Variants in DGKB observed in about 807,000 individuals in gnomAD.
DGKB encodes 90 kDa diacylglycerol kinase.
Under a neutral mutation model 114.3 loss-of-function variants are expected in DGKB, and 67 were observed. The ratio of observed to expected loss-of-function variants is 0.59; its 90% confidence interval spans 0.48 to 0.72. The LOEUF is 0.72. DGKB is among the 30% of genes least tolerant of loss of function. The pLI, the probability that DGKB is intolerant of heterozygous loss-of-function variation, is 0.00. For missense variants in DGKB, 907 were observed against 975.2 expected, an observed-to-expected ratio of 0.93 and a Z score of 0.93; for synonymous variants, 398 against 323.1, an observed-to-expected ratio of 1.23 and a Z score of -2.49.
intron 1 of DGKB, among the ~76,000 whole-genome samples, chr7:14,969,055 A>G (rs1787318539): frequency 6.6e-6 from 1 of 152,208 alleles, no homozygotes; most frequent in African/African-American, 2.4e-5. Flanking sequence ...TGCTATTTGT[A>G]AAAGAGTTAA....
intron 23 of DGKB, among the ~76,000 whole-genome samples, chr7:14,288,392 A>G (rs1214907061): frequency 6.7e-6 from 1 of 149,836 alleles, no homozygotes; most frequent in Non-Finnish European, 1.5e-5. Context: ...TTTCTGTGTT[A>G]TATTTCATAT....
chr7:14,371,143 TC>T (rs1817569990), intron 21 of DGKB, among the ~76,000 whole-genome samples: 1 of 152,110 alleles, frequency 6.6e-6, no homozygotes, highest in African/African-American at 2.4e-5. Context: ...AGTGCAGGTG[TC>T]TTTTTGGTAG....
intron 13 of DGKB, among the ~76,000 whole-genome samples, chr7:14,651,115 G>T (rs963879019): frequency 1.3e-5 from 2 of 151,978 alleles, no homozygotes; most frequent in African/African-American, 2.4e-5. Flanking sequence ...CCAATCAATA[G>T]AAAAAGAGGG....
chr7:14,535,378 G>GAAAAAAAAAAAAAAAAAAAAAAAAAAAA, intron 20 of DGKB, among the ~76,000 whole-genome samples: 1 of 123,590 alleles, frequency 8.1e-6, no homozygotes, highest in African/African-American at 2.9e-5. Flanking sequence ...CTTAAAAAAA[G>GAAAAAAAAAAAAAAAAAAAAAAAAAAAA]AAAAAAAAAA....
intron 25 of DGKB, among the ~76,000 whole-genome samples, chr7:14,168,521 T>A (rs1784931087): frequency 6.6e-6 from 1 of 152,158 alleles, no homozygotes; most frequent in Non-Finnish European, 1.5e-5. Context: ...AAAGTCCAAC[T>A]GCTGAAAACT....
chr7:14,232,022 C>T (rs1791943187), intron 23 of DGKB, among the ~76,000 whole-genome samples: 2 of 152,118 alleles, frequency 1.3e-5, no homozygotes, highest in Middle Eastern at 6.8e-3. Context: ...GGAATGCTTT[C>T]AAGACCCAAA....
chr7:14,387,799 C>T (rs1042606945), intron 21 of DGKB, among the ~76,000 whole-genome samples: 3 of 151,646 alleles, frequency 2.0e-5, no homozygotes, highest in Non-Finnish European at 4.4e-5. Context: ...TTTATTATCT[C>T]AATAATCTTA....
chr7:14,797,692 A>C (rs6461130), intron 2 of DGKB, among the ~76,000 whole-genome samples: 65,112 of 151,418 alleles, frequency 0.43, 16,577 homozygotes, highest in African/African-American at 0.71. Flanking sequence ...TCATCTACAT[A>C]ATAATGTTGG....
intron 21 of DGKB, among the ~76,000 whole-genome samples, chr7:14,346,740 G>A (rs1812541863): frequency 6.6e-6 from 1 of 151,828 alleles, no homozygotes; most frequent in African/African-American, 2.4e-5. Context: ...TTTATAGAAT[G>A]GTTAGGCTTT....
intron 23 of DGKB, among the ~76,000 whole-genome samples, chr7:14,320,514 C>A (rs951560760): frequency 1.1e-4 from 17 of 151,766 alleles, no homozygotes; most frequent in Non-Finnish European, 4.4e-5. Context: ...ATCTTTTCCA[C>A]ATATATATAT....
intron 2 of DGKB, among the ~76,000 whole-genome samples, chr7:14,785,148 A>AC (rs1839693210): frequency 6.6e-6 from 1 of 152,160 alleles, no homozygotes; most frequent in Non-Finnish European, 1.5e-5. Flanking sequence ...TTTTACACTT[A>AC]TTTTATCACA....
chr7:14,948,160 G>A (rs1218234918), intron 1 of DGKB, among the ~76,000 whole-genome samples: 2 of 151,752 alleles, frequency 1.3e-5, no homozygotes, highest in East Asian at 3.9e-4. Context: ...ATGTAACAAA[G>A]CATCTGAAAT....
intron 20 of DGKB, among the ~76,000 whole-genome samples, chr7:14,529,325 G>C (rs1448150170): frequency 6.6e-6 from 1 of 151,768 alleles, no homozygotes; most frequent in Non-Finnish European, 1.5e-5. Context: ...ACATGTGTTT[G>C]TTATAAAAGT....
chr7:14,615,892 G>T (rs946890162), intron 15 of DGKB, among the ~76,000 whole-genome samples: 3 of 151,470 alleles, frequency 2.0e-5, no homozygotes, highest in Non-Finnish European at 4.4e-5. Flanking sequence ...GCATTGTATT[G>T]CAATGCAAAA....
chr7:14,276,311 TC>T (rs1392199121), intron 23 of DGKB, among the ~76,000 whole-genome samples: 1 of 152,170 alleles, frequency 6.6e-6, no homozygotes, highest in African/African-American at 2.4e-5. Context: ...CAAGCCAACA[TC>T]TTTTAATAGT....
At chr7:14,319,416 GTTT>G (rs951510620) in intron 23 of DGKB, among the ~76,000 whole-genome samples, 4 of 151,950 alleles carry the variant, frequency 2.6e-5, no homozygotes, top group South Asian at 2.1e-4. Context: ...CTAAATTTTT[GTTT>G]TTTAAATATA....
chr7:14,932,212 C>T (rs931514858), intron 1 of DGKB, among the ~76,000 whole-genome samples: 5 of 152,184 alleles, frequency 3.3e-5, no homozygotes, highest in Non-Finnish European at 5.9e-5. Flanking sequence ...CACTCTCTCT[C>T]TCCTGTGGTG....
intron 23 of DGKB, among the ~76,000 whole-genome samples, chr7:14,287,747 G>T (rs901947335): frequency 2.0e-5 from 3 of 152,108 alleles, no homozygotes. Flanking sequence ...CTGAACACAT[G>T]GGTCCTGAAA....
chr7:14,452,971 C>T (rs1463106918), intron 21 of DGKB, among the ~76,000 whole-genome samples: 2 of 152,064 alleles, frequency 1.3e-5, no homozygotes, highest in African/African-American at 2.4e-5. Context: ...TCTTACAGAA[C>T]GTATGTGTTC....
Sources: gnomAD v4.1 joint callset for allele counts (sites outside exome capture counted in the v4.1 genomes callset) on GRCh38, gnomAD v4.1.1 for gene constraint, MANE v1.5 for transcripts, NCBI Gene and HGNC (gene_info 2026-07-23, HGNC 2026-07-21) for gene names.